The following KIAA1217 variants were observed in gnomAD, a reference collection of about 807,000 sequenced individuals.
KIAA1217 encodes the protein KIAA1217.
KIAA1217 carries 88 observed loss-of-function variants against 163.9 expected under a neutral mutation model. The ratio of observed to expected loss-of-function variants is 0.54; its 90% confidence interval spans 0.45 to 0.64. The LOEUF (loss-of-function observed/expected upper bound fraction) is 0.64, where lower values mean the gene tolerates loss of function less well. KIAA1217 is among the 30% of genes least tolerant of loss of function. The probability of loss-of-function intolerance (pLI) is 0.00; values close to 1 mark genes in which losing one functional copy is unlikely to be tolerated. For missense variants in KIAA1217, 2,372 were observed against 2,475.0 expected (o/e 0.96, Z 0.88); for synonymous variants, 903 against 923.1 (o/e 0.98, Z 0.39).
chr10:24,420,213 G>A (rs2058621425), intron 3 of KIAA1217, among the ~76,000 whole-genome samples: 1 of 152,180 alleles, frequency 6.6e-6, no homozygotes, highest in Non-Finnish European at 1.5e-5. Context: ...AGTACTTGAG[G>A]CTGTTATATT....
chr10:24,473,701 G>A lies in KIAA1217; in HGVS notation c.1320G>A (p.Met440Ile). 1 of 1,614,076 alleles carries A rather than the reference G, an allele frequency of 6.2e-7. No homozygotes were observed. Among genetic ancestry groups the A allele is most frequent in the Non-Finnish European group, 8.5e-7 (1 of 1,180,032 alleles). The change falls in exon 6 of 21, where the codon ATG becomes ATA. Residue 440 changes from methionine (M) to isoleucine (I), a missense_variant. Physicochemically the swap from Met to Ile is conservative, Grantham distance 10 (BLOSUM62 1). Around this residue, in one of 3 missense-constraint regions of KIAA1217, gnomAD observed 1,431 missense variants for 1,470.3 expected, o/e 0.97. Transcript: ENST00000376454. ...RSASAYCNPS[M>I]QAEMHMEQSL... is the part of the protein sequence containing the mutation. ...CGAGTGCTTATTGTAACCCCTCAAT[G>A]CAAGCGGAAATGCATATGGAACAAT... is the stretch of plus-strand genomic sequence containing the variant.
intron 5 of KIAA1217, among the ~76,000 whole-genome samples, chr10:24,444,085 A>G (rs574290253): frequency 9.9e-5 from 15 of 152,208 alleles, no homozygotes; most frequent in Middle Eastern, 3.4e-3. Flanking sequence ...ATCTCAGCTC[A>G]CTGCAACCTC....
intron 1 of KIAA1217, among the ~76,000 whole-genome samples, chr10:23,817,845 T>C (rs553070237): frequency 4.5e-4 from 68 of 150,594 alleles, no homozygotes; most frequent in African/African-American, 1.6e-3. Flanking sequence ...ATCCCAACAT[T>C]TTGGCAGGTT....
At chr10:24,358,622 AATTGAAGATCAATGACT>A in intron 2 of KIAA1217, among the ~76,000 whole-genome samples, 1 of 152,228 alleles carries the variant, frequency 6.6e-6, no homozygotes, top group African/African-American at 2.4e-5. Flanking sequence ...TGAGACACAA[AATTGAAGATCAATGACT>A]GTGCTGTGGC....
chr10:23,814,416 C>T (rs4626976), intron 1 of KIAA1217, among the ~76,000 whole-genome samples: 45,672 of 152,020 alleles, frequency 0.3, 7,893 homozygotes, highest in African/African-American at 0.47. Context: ...GCCTTAATTG[C>T]ACATGAAGCA....
At chr10:24,366,374 A>G (rs771198982) in intron 2 of KIAA1217, among the ~76,000 whole-genome samples, 7 of 152,110 alleles carry the variant, frequency 4.6e-5, no homozygotes, top group Non-Finnish European at 1.0e-4. Context: ...TAACTCGGGA[A>G]GCAGAGGGTG....
chr10:24,029,008 G>A (rs948032334), intron 2 of KIAA1217, among the ~76,000 whole-genome samples: 8 of 152,182 alleles, frequency 5.3e-5, no homozygotes, highest in Non-Finnish European at 7.4e-5. Context: ...GAGATGTCCA[G>A]TAAGTGGGAA....
chr10:23,789,808 A>G (rs999404481), intron 1 of KIAA1217, among the ~76,000 whole-genome samples: 1 of 151,676 alleles, frequency 6.6e-6, no homozygotes, highest in Non-Finnish European at 1.5e-5. Context: ...CTGTCAGTGC[A>G]TGGTCATAGG....
Position 23,863,753 on chromosome 10 carries a change from T to C in KIAA1217, c.-320-143472T>C, listed in dbSNP as rs563501282. 9.8e-5 allele frequency among the ~76,000 whole-genome samples: 15 copies of C among 152,340 alleles called. 1 individual carries two copies. Among genetic ancestry groups the C allele is most frequent in the African/African-American group, 3.6e-4 (15 of 41,586 alleles). On this transcript the variant is annotated intron_variant, in intron 1 of 18. Coordinates refer to the KIAA1217 transcript ENST00000376462. ...CACCCTTGATATTGATGTAATCTTGTAGATTTTACCTCTGAGATTCTCCCC... is the reference window on the plus strand; with the variant it reads ...CACCCTTGATATTGATGTAATCTTGCAGATTTTACCTCTGAGATTCTCCCC...
chr10:24,477,830 G>A (rs944921087), intron 6 of KIAA1217, among the ~76,000 whole-genome samples: 8 of 152,086 alleles, frequency 5.3e-5, no homozygotes, highest in Admixed American at 5.2e-4. Context: ...AATTACCGAA[G>A]CACAAAATTA....
chr10:23,960,630 A>G (rs1844782419), intron 1 of KIAA1217, among the ~76,000 whole-genome samples: 1 of 152,250 alleles, frequency 6.6e-6, no homozygotes. Flanking sequence ...TAGTAAAGGA[A>G]ATAGCTGAAT....
intron 5 of KIAA1217, among the ~76,000 whole-genome samples, chr10:24,453,779 A>G (rs2061563512): frequency 6.6e-6 from 1 of 152,222 alleles, no homozygotes; most frequent in Non-Finnish European, 1.5e-5. Flanking sequence ...TGTTGTTTTG[A>G]ATGAATGTTG....
intron 2 of KIAA1217, among the ~76,000 whole-genome samples, chr10:24,096,640 G>T (rs1468971211): frequency 6.6e-6 from 1 of 152,002 alleles, no homozygotes. Flanking sequence ...TCTCCTTCCA[G>T]ACCTGCAGCA....
chr10:24,028,224 A>G (rs192197626), intron 2 of KIAA1217, among the ~76,000 whole-genome samples: 156 of 152,184 alleles, frequency 1.0e-3, no homozygotes, highest in Admixed American at 2.2e-3. Flanking sequence ...AGGGTGGGTT[A>G]TGGTGTGGGA....
intron 2 of KIAA1217, among the ~76,000 whole-genome samples, chr10:24,365,769 G>A (rs2050699757): frequency 6.6e-6 from 1 of 151,992 alleles, no homozygotes; most frequent in African/African-American, 2.4e-5. Flanking sequence ...TTTTTGTCTG[G>A]AGACCTGTTG....
intron 1 of KIAA1217, among the ~76,000 whole-genome samples, chr10:23,769,792 A>G (rs1038788354): frequency 1.3e-5 from 2 of 152,186 alleles, no homozygotes; most frequent in Non-Finnish European, 2.9e-5. Context: ...TGAGACAGAA[A>G]ATGTGTTTTA....
In KIAA1217 at chr10:24,524,402, G is replaced by A. The variant is rs372971594; in HGVS notation, c.2536G>A (p.Ala846Thr). Residue 846 changes from alanine to threonine, a missense_variant, in exon 13 of 21, where the codon GCA (alanine) becomes ACA (threonine). Coordinates refer to ENST00000376454, the MANE Select transcript of KIAA1217 (RefSeq NM_019590.5). ...CATGGCTATGGAAAAGGCCACAGCC[G>A]CAGAAGTCCTGAAGAGTCAGGAGGA... ...QYMAMEKATA[A>T]EVLKSQEEAA... 35 of 1,614,088 alleles carry A rather than the reference G, an allele frequency of 2.2e-5. No homozygotes were observed. Among genetic ancestry groups the A allele is most frequent in the Middle Eastern group, 3.3e-4 (2 of 6,080 alleles).
Position 24,273,650 on chromosome 10 carries a change from G to A in KIAA1217, c.354+53741G>A, listed in dbSNP as rs780593672. On this transcript the variant is annotated intron_variant, in intron 2 of 20. Transcript: ENST00000376454. ...GTGGATCACCTGAGGTCAGGAGTTC[G>A]AGACCAGCCTGGCCAACATAGTGAA... Among the ~76,000 whole-genome samples the A allele has an allele frequency of 7.8e-4, 119 of 151,982 alleles. 1 individual carries two copies. The highest frequency in any genetic ancestry group is 2.8e-3 in the African/African-American group (117 of 41,458).
At chr10:24,418,171 G>A (rs1418028895) in intron 3 of KIAA1217, among the ~76,000 whole-genome samples, 3 of 151,494 alleles carry the variant, frequency 2.0e-5, no homozygotes, top group Admixed American at 6.6e-5. Context: ...TATTCAGGCC[G>A]GTCTTAAACT....
Sources: allele counts gnomAD v4.1 joint callset (sites outside exome capture counted in the v4.1 genomes callset), GRCh38; gene constraint gnomAD v4.1.1; regional missense constraint gnomAD v4.1.1; transcripts MANE v1.5; gene names NCBI Gene and HGNC (gene_info 2026-07-23, HGNC 2026-07-21).